Variants in IMMP2L observed in about 807,000 individuals in gnomAD.
IMMP2L encodes the protein inner mitochondrial membrane peptidase subunit 2.
In IMMP2L, 18 loss-of-function variants were observed where a neutral mutation model predicts 19.3. The ratio of observed to expected loss-of-function variants is 0.93; its 90% CI spans 0.64 to 1.38. IMMP2L has a LOEUF of 1.38. IMMP2L is among the 40% of genes most tolerant of loss of function. The pLI is 0.00. For synonymous variants in IMMP2L, 76 were observed against 73.0 expected, an observed-to-expected ratio of 1.04 and a Z score of -0.21; for missense variants, 233 against 218.2, an observed-to-expected ratio of 1.07 and a Z score of -0.43.
At chr7:111,133,894 G>A (rs1214688305) in intron 3 of IMMP2L, among the ~76,000 whole-genome samples, 1 of 151,980 alleles carries the variant, frequency 6.6e-6, no homozygotes, top group East Asian at 1.9e-4. Context: ...TTATAGTCCA[G>A]TATTTGATTG....
At chr7:110,889,601 C>G (rs933583598) in intron 4 of IMMP2L, among the ~76,000 whole-genome samples, 5 of 152,196 alleles carry the variant, frequency 3.3e-5, no homozygotes, top group Non-Finnish European at 7.3e-5. Context: ...CAGTTCCTAA[C>G]AGGCCACAGA....
intron 3 of IMMP2L, among the ~76,000 whole-genome samples, chr7:111,341,754 T>C (rs1827029787): frequency 6.6e-6 from 1 of 152,126 alleles, no homozygotes; most frequent in South Asian, 2.1e-4. Context: ...AAAGCAAGTT[T>C]TAGAAACTTA....
chr7:111,306,094 T>C (rs1249172400), intron 3 of IMMP2L, among the ~76,000 whole-genome samples: 2 of 152,188 alleles, frequency 1.3e-5, no homozygotes, highest in African/African-American at 4.8e-5. Context: ...GCAATGACTA[T>C]CTTTTCCTCT....
At chr7:111,162,178 T>G (rs1687914355) in intron 3 of IMMP2L, among the ~76,000 whole-genome samples, 1 of 152,162 alleles carries the variant, frequency 6.6e-6, no homozygotes, top group Non-Finnish European at 1.5e-5. Context: ...TATTGATCGC[T>G]AATATGTTGT....
In IMMP2L at chr7:110,967,697, G is replaced by C. The variant is rs149203056; in HGVS notation, c.240-4132C>G. Among the ~76,000 whole-genome samples the C allele has an allele frequency of 1.4e-3, 212 of 152,114 alleles. 7 individuals are homozygous for C. The East Asian group carries it at 0.034, about 24-fold the overall frequency. ...AGGTGAAAGGAAAAACGAATATTCT[G>C]GGGATGGCTTCTATTACAAGAGAAT... On this transcript the variant is annotated intron_variant, in intron 3 of 5. Transcript: ENST00000405709.
chr7:111,477,470 G>A (rs1055728813), intron 3 of IMMP2L, among the ~76,000 whole-genome samples: 2 of 152,008 alleles, frequency 1.3e-5, no homozygotes, highest in African/African-American at 2.4e-5. Flanking sequence ...TTTCCAACAG[G>A]TACAACATTC....
intron 5 of IMMP2L, among the ~76,000 whole-genome samples, chr7:110,749,682 T>C (rs1797602104): frequency 6.6e-6 from 1 of 152,016 alleles, no homozygotes; most frequent in Non-Finnish European, 1.5e-5. Flanking sequence ...CACTCATAAG[T>C]GGGAGTTGAA....
intron 3 of IMMP2L, among the ~76,000 whole-genome samples, chr7:111,095,059 T>A (rs1797263509): frequency 6.6e-6 from 1 of 152,090 alleles, no homozygotes; most frequent in Non-Finnish European, 1.5e-5. Context: ...GCTATTATGT[T>A]AATTCATCTT....
intron 3 of IMMP2L, among the ~76,000 whole-genome samples, chr7:111,264,595 A>G (rs922861239): frequency 6.6e-6 from 1 of 151,706 alleles, no homozygotes; most frequent in African/African-American, 2.4e-5. Flanking sequence ...TTTTGACTTG[A>G]TTACAAAGCA....
intron 3 of IMMP2L, among the ~76,000 whole-genome samples, chr7:111,256,289 A>T (rs1816688782): frequency 6.6e-6 from 1 of 152,096 alleles, no homozygotes; most frequent in South Asian, 2.1e-4. Context: ...TTTGCTTTTA[A>T]ACCAAACAGA....
At chr7:110,748,621 C>A (rs1797519031) in intron 5 of IMMP2L, among the ~76,000 whole-genome samples, 1 of 152,154 alleles carries the variant, frequency 6.6e-6, no homozygotes. Context: ...TGATCTTTGA[C>A]AAACCTGACA....
rs1328667340 is a variant in IMMP2L at position 111,347,685 on chromosome 7, A to T, written c.239+139553T>A. On this transcript the variant is annotated intron_variant, in intron 3 of 5. Coordinates refer to ENST00000405709, the MANE Select transcript of IMMP2L (RefSeq NM_032549.4). The stretch of plus-strand genomic sequence containing the variant: ...GAGATCAGCTCCAAGGAGGTTGGGG[A>T]GTAGAGGGTTGGGCTTGAGTATGAT... Among the ~76,000 whole-genome samples, 3 of 152,066 alleles carry T rather than the reference A, an allele frequency of 2.0e-5. 1 individual carries two copies. Among genetic ancestry groups the T allele is most frequent in the Admixed American group, 2.0e-4 (3 of 15,236 alleles).
intron 3 of IMMP2L, among the ~76,000 whole-genome samples, chr7:111,335,925 G>T (rs1315762963): frequency 6.6e-6 from 1 of 152,022 alleles, no homozygotes; most frequent in East Asian, 1.9e-4. Context: ...TTACCTATGG[G>T]GTAGGAATTG....
intron 4 of IMMP2L, chr7:110,962,607 T>C (rs557512619): frequency 1.5e-5 from 6 of 409,994 alleles, no homozygotes; most frequent in East Asian, 3.2e-4. Flanking sequence ...AGTAACACTT[T>C]AGTATTATTA....
At chr7:110,678,389 G>C (rs1792475469) in intron 5 of IMMP2L, among the ~76,000 whole-genome samples, 1 of 152,060 alleles carries the variant, frequency 6.6e-6, no homozygotes, top group Admixed American at 6.6e-5. Flanking sequence ...TAAAAAGTCT[G>C]AATTGTGTAC....
chr7:111,169,093 G>GT (rs1806150882), intron 3 of IMMP2L, among the ~76,000 whole-genome samples: 4 of 151,914 alleles, frequency 2.6e-5, no homozygotes, highest in Admixed American at 1.3e-4. Context: ...CAATCATGTA[G>GT]TTTTTAAAAG....
At chr7:111,347,937 C>T (rs921678739) in intron 3 of IMMP2L, among the ~76,000 whole-genome samples, 4 of 151,280 alleles carry the variant, frequency 2.6e-5, no homozygotes, top group African/African-American at 7.3e-5. Context: ...ACATATACAC[C>T]ATGGAATACT....
intron 5 of IMMP2L, among the ~76,000 whole-genome samples, chr7:110,837,965 G>A (rs1210165708): frequency 6.6e-6 from 1 of 152,076 alleles, no homozygotes; most frequent in African/African-American, 2.4e-5. Flanking sequence ...AGAACATATT[G>A]TTTTCGGCCC....
intron 3 of IMMP2L, among the ~76,000 whole-genome samples, chr7:111,257,969 C>T (rs1004633082): frequency 1.3e-5 from 2 of 151,378 alleles, no homozygotes; most frequent in Non-Finnish European, 2.9e-5. Flanking sequence ...GTGTGATGTT[C>T]CCCTCCCTGT....
Sources: allele counts gnomAD v4.1 joint callset (sites outside exome capture counted in the v4.1 genomes callset), GRCh38; gene constraint gnomAD v4.1.1; transcripts MANE v1.5; gene names NCBI Gene and HGNC (gene_info 2026-07-23, HGNC 2026-07-21).